KCNH8: variants seen among roughly 807,000 people sequenced by gnomAD.
KCNH8 encodes the protein voltage-gated delayed rectifier potassium channel KCNH8.
Under a neutral mutation model 103.6 loss-of-function variants are expected in KCNH8, and 70 were observed. The ratio of observed to expected loss-of-function variants is 0.68; its 90% CI spans 0.56 to 0.82. The LOEUF is 0.82. KCNH8 is among the 40% of genes least tolerant of loss of function. The pLI, the probability that KCNH8 is intolerant of heterozygous loss-of-function variation, is 0.00. For synonymous variants in KCNH8, 498 were observed against 489.4 expected (o/e 1.02, Z -0.23); for missense variants, 1,217 against 1,329.9 (o/e 0.92, Z 1.32).
intron 2 of KCNH8, among the ~76,000 whole-genome samples, chr3:19,278,002 G>A (rs2064699192): frequency 6.6e-6 from 1 of 152,120 alleles, no homozygotes; most frequent in African/African-American, 2.4e-5. Flanking sequence ...AACCCTAAGA[G>A]AGATTTGTTG....
intron 7 of KCNH8, among the ~76,000 whole-genome samples, chr3:19,426,811 T>C (rs2067035562): frequency 6.6e-6 from 1 of 152,172 alleles, no homozygotes; most frequent in Admixed American, 6.5e-5. Context: ...AAAATATCAT[T>C]GTTCTTTATC....
intron 3 of KCNH8, among the ~76,000 whole-genome samples, chr3:19,306,100 A>G (rs1264716189): frequency 6.6e-6 from 1 of 152,082 alleles, no homozygotes; most frequent in Non-Finnish European, 1.5e-5. Context: ...TCTATGAACT[A>G]TTGGACAAGT....
chr3:19,308,694 CTCTCTCTCTCTCTCTCT>C (rs2065164293), intron 3 of KCNH8, among the ~76,000 whole-genome samples: 2 of 72,772 alleles, frequency 2.7e-5, no homozygotes, highest in Non-Finnish European at 5.3e-5. Flanking sequence ...CTCTCTCTCT[CTCTCTCTCTCTCTCTCT>C]CTCTCTCCCC....
At chr3:19,338,418 C>G (rs2065614644) in intron 3 of KCNH8, among the ~76,000 whole-genome samples, 1 of 152,034 alleles carries the variant, frequency 6.6e-6, no homozygotes, top group Admixed American at 6.6e-5. Context: ...CTACCACCAC[C>G]ACTCTGTATA....
chr3:19,534,046 G>T lies in KCNH8; in HGVS notation c.3271G>T (p.Glu1091Ter), dbSNP rs1441206264. 2 of 1,614,040 alleles carry T rather than the reference G, an allele frequency of 1.2e-6. No homozygotes were observed. Among genetic ancestry groups the T allele is most frequent in the African/African-American group, 2.7e-5 (2 of 74,942 alleles). ...AAAACCTTTGGAGAACCTTCCACTG[G>T]AAGTTGTCACAAGCACAGCAGAAGT... is the stretch of plus-strand genomic sequence containing the variant. ...STKPLENLPL[E>*]VVTSTAEVKD... is the part of the protein sequence containing the mutation. The change falls in exon 16 of 16, where the codon GAA becomes TAA. Residue 1091 changes from glutamate (E) to a stop codon, truncating the protein, a stop_gained. Transcript: ENST00000328405. LOFTEE classifies it high-confidence loss of function.
chr3:19,159,262 A>C (rs1486349747), intron 1 of KCNH8, among the ~76,000 whole-genome samples: 1 of 151,710 alleles, frequency 6.6e-6, no homozygotes, highest in East Asian at 1.9e-4. Flanking sequence ...TTTTCCCTCC[A>C]CTAATAGGAC....
At chr3:19,246,275 T>G (rs2064204368) in intron 1 of KCNH8, among the ~76,000 whole-genome samples, 1 of 96,380 alleles carries the variant, frequency 1.0e-5, no homozygotes. Flanking sequence ...GTTGTTGTTG[T>G]TTTTTTTTTT....
intron 11 of KCNH8, among the ~76,000 whole-genome samples, chr3:19,462,174 G>A (rs149169615): frequency 2.6e-5 from 4 of 152,144 alleles, no homozygotes; most frequent in African/African-American, 9.7e-5. Context: ...GGATCACTGG[G>A]TCAAATGGTA....
intron 11 of KCNH8, among the ~76,000 whole-genome samples, chr3:19,466,320 G>A (rs2067735456): frequency 6.6e-6 from 1 of 152,152 alleles, no homozygotes; most frequent in Non-Finnish European, 1.5e-5. Context: ...GACAACAAAG[G>A]ATTTAGAATA....
chr3:19,196,031 GC>G (rs1157887681), intron 1 of KCNH8, among the ~76,000 whole-genome samples: 1 of 151,752 alleles, frequency 6.6e-6, no homozygotes, highest in Non-Finnish European at 1.5e-5. Context: ...AATTAAAATA[GC>G]CCAAGTTAGT....
intron 3 of KCNH8, chr3:19,314,962 T>C (rs2065254677): frequency 6.5e-6 from 1 of 154,040 alleles, no homozygotes; most frequent in African/African-American, 2.4e-5. Context: ...AATAAGACTG[T>C]TGTTGTGGTA....
chr3:19,345,969 A>G (rs1272024784), intron 4 of KCNH8, among the ~76,000 whole-genome samples: 1 of 152,076 alleles, frequency 6.6e-6, no homozygotes, highest in East Asian at 1.9e-4. Context: ...CAAAGACAAA[A>G]ACAAAAACTT....
intron 7 of KCNH8, among the ~76,000 whole-genome samples, chr3:19,403,392 ATATATAT>A (rs1559311313): frequency 1.7e-4 from 16 of 93,406 alleles, no homozygotes; most frequent in African/African-American, 7.1e-4. Flanking sequence ...ATATATATAT[ATATATAT>A]AAAATCCTTC....
intron 11 of KCNH8, among the ~76,000 whole-genome samples, chr3:19,466,945 G>C (rs1251099521): frequency 1.3e-5 from 2 of 152,058 alleles, no homozygotes; most frequent in African/African-American, 4.8e-5. Context: ...ACAGGCGTGA[G>C]CCACTGCGCC....
chr3:19,157,769 C>G (rs2063195052), intron 1 of KCNH8, among the ~76,000 whole-genome samples: 1 of 151,812 alleles, frequency 6.6e-6, no homozygotes, highest in Non-Finnish European at 1.5e-5. Context: ...TTGAGCATTA[C>G]TTGTTTATAT....
At chr3:19,332,164 C>T (rs1348251632) in intron 3 of KCNH8, among the ~76,000 whole-genome samples, 5 of 151,918 alleles carry the variant, frequency 3.3e-5, no homozygotes, top group South Asian at 2.1e-4. Context: ...GTTCTCCAGC[C>T]CAGCAATAAA....
chr3:19,310,908 A>G (rs778656146), intron 3 of KCNH8, among the ~76,000 whole-genome samples: 1 of 151,876 alleles, frequency 6.6e-6, no homozygotes, highest in Admixed American at 6.6e-5. Flanking sequence ...GTATTTTTGA[A>G]AAAAGGATAG....
intron 15 of KCNH8, among the ~76,000 whole-genome samples, chr3:19,530,746 G>C (rs908069680): frequency 6.6e-6 from 1 of 152,076 alleles, no homozygotes; most frequent in African/African-American, 2.4e-5. Context: ...GACTACATTA[G>C]GAAAAATCTC....
At position 19,438,336 on chromosome 3, in the gene KCNH8, C is replaced by T. The variant is rs2067231175; in HGVS notation, c.1350C>T (p.Phe450=). The T allele has an allele frequency of 6.2e-7, 1 of 1,613,810 alleles. No homozygotes were observed. The highest frequency in any genetic ancestry group is 1.1e-5 in the South Asian group (1 of 91,074). Residue 450 remains phenylalanine (F), a synonymous_variant, in exon 8 of 16, where the codon TTC becomes TTT. Transcript: ENST00000328405. ...CTAATACAGATGCAGAAAAGATCTT[C>T]TCCATCTGCACCATGCTGATTGGTG... The part of the protein sequence containing the change: ...VSANTDAEKI[F]SICTMLIGAL...
Sources: gnomAD v4.1 joint callset for allele counts (sites outside exome capture counted in the v4.1 genomes callset) on GRCh38, gnomAD v4.1.1 for gene constraint, MANE v1.5 for transcripts, NCBI Gene and HGNC (gene_info 2026-07-23, HGNC 2026-07-21) for gene names.